CSMD1: variants seen among roughly 807,000 people sequenced by gnomAD.
The protein encoded by CSMD1 is CUB and sushi domain-containing protein 1.
Under a neutral mutation model 417.5 loss-of-function variants are expected in CSMD1, and 213 were observed. That is an observed-to-expected ratio of 0.51 (90% confidence interval 0.46 to 0.57). The LOEUF is 0.57. Among genes scored for constraint, CSMD1 ranks in the 20% least tolerant of loss-of-function variants. The pLI is 0.00. For synonymous variants in CSMD1, 2,862 were observed against 1,736.8 expected, an observed-to-expected ratio of 1.65 and a Z score of -16.11; for missense variants, 6,923 against 4,529.7, an observed-to-expected ratio of 1.53 and a Z score of -15.17.
chr8:4,054,787 A>G (rs1484883025), intron 3 of CSMD1, among the ~76,000 whole-genome samples: 3 of 152,086 alleles, frequency 2.0e-5, no homozygotes, highest in African/African-American at 7.2e-5. Context: ...CTTCAAGTGG[A>G]CGAACAACAA....
At chr8:4,917,259 G>C (rs904540196) in intron 1 of CSMD1, among the ~76,000 whole-genome samples, 1 of 152,108 alleles carries the variant, frequency 6.6e-6, no homozygotes, top group African/African-American at 2.4e-5. Context: ...TAGGGGGATG[G>C]TTCTAAACCA....
At chr8:4,983,270 G>A (rs915216742) in intron 1 of CSMD1, among the ~76,000 whole-genome samples, 1 of 152,168 alleles carries the variant, frequency 6.6e-6, no homozygotes, top group African/African-American at 2.4e-5. Context: ...CCTTCCCTAG[G>A]TCAACTCTTC....
At chr8:3,239,567 G>T (rs1365818583) in intron 26 of CSMD1, among the ~76,000 whole-genome samples, 1 of 151,990 alleles carries the variant, frequency 6.6e-6, no homozygotes, top group African/African-American at 2.4e-5. Context: ...GTGTAGGGAA[G>T]GGTGGGGGCC....
At chr8:3,797,808 T>C (rs888934532) in intron 5 of CSMD1, among the ~76,000 whole-genome samples, 10 of 152,012 alleles carry the variant, frequency 6.6e-5, no homozygotes, top group Non-Finnish European at 1.0e-4. Context: ...GGTAGGTATA[T>C]GTCTGACTTC....
intron 3 of CSMD1, among the ~76,000 whole-genome samples, chr8:4,414,652 T>A (rs904942246): frequency 1.3e-5 from 2 of 152,132 alleles, no homozygotes; most frequent in East Asian, 3.9e-4. Flanking sequence ...AAAATCAAAT[T>A]CAAATTTTTC....
chr8:4,031,725 C>G (rs1797357057), intron 4 of CSMD1, among the ~76,000 whole-genome samples, 180 bp downstream of exon 4: 1 of 152,176 alleles, frequency 6.6e-6, no homozygotes, highest in Admixed American at 6.5e-5. Context: ...TTACACATTA[C>G]ATGTTATTTC....
intron 3 of CSMD1, among the ~76,000 whole-genome samples, chr8:4,192,948 A>G (rs1799115237): frequency 6.6e-6 from 1 of 152,156 alleles, no homozygotes; most frequent in Non-Finnish European, 1.5e-5. Context: ...ACGTGGTGCT[A>G]CCCTTCCTAT....
chr8:4,730,740 C>T (rs765010133), intron 1 of CSMD1, among the ~76,000 whole-genome samples: 16 of 142,496 alleles, frequency 1.1e-4, no homozygotes, highest in Non-Finnish European at 1.0e-4. Context: ...GACTCCATTT[C>T]AAAAAAACAA....
At chr8:4,417,237 T>C (rs1796993360) in intron 3 of CSMD1, among the ~76,000 whole-genome samples, 1 of 152,068 alleles carries the variant, frequency 6.6e-6, no homozygotes, top group Non-Finnish European at 1.5e-5. Context: ...TTAAATTCAA[T>C]GACTGAACAC....
chr8:3,484,742 G>C (rs1459130337), intron 11 of CSMD1, among the ~76,000 whole-genome samples: 2 of 152,172 alleles, frequency 1.3e-5, no homozygotes, highest in Non-Finnish European at 2.9e-5. Flanking sequence ...AACTTAGTAA[G>C]AAACATCCGC....
intron 2 of CSMD1, among the ~76,000 whole-genome samples, chr8:4,581,018 C>A (rs1278981507): frequency 1.3e-5 from 2 of 152,146 alleles, no homozygotes; most frequent in African/African-American, 4.8e-5. Flanking sequence ...GACATGTGGT[C>A]ATGGCTAGGT....
intron 3 of CSMD1, among the ~76,000 whole-genome samples, chr8:4,418,858 G>A (rs905927487): frequency 6.6e-6 from 1 of 152,128 alleles, no homozygotes. Context: ...ATGCACAAAT[G>A]CGGTGGCATG....
chr8:4,111,681 ACAC>A (rs778777042), intron 3 of CSMD1, among the ~76,000 whole-genome samples: 3 of 152,180 alleles, frequency 2.0e-5, no homozygotes, highest in Non-Finnish European at 4.4e-5. Flanking sequence ...CAAAAGACAA[ACAC>A]CACATGTTCT....
At chr8:4,170,048 T>A (rs1216969157) in intron 3 of CSMD1, among the ~76,000 whole-genome samples, 1 of 151,872 alleles carries the variant, frequency 6.6e-6, no homozygotes, top group Non-Finnish European at 1.5e-5. Flanking sequence ...ATTTGAATAC[T>A]CAAAACCTCT....
At chr8:3,504,738 T>C (rs758327963) in intron 10 of CSMD1, among the ~76,000 whole-genome samples, 2 of 152,216 alleles carry the variant, frequency 1.3e-5, no homozygotes, top group Non-Finnish European at 2.9e-5. Context: ...GCAGTAGTGG[T>C]ATTTTGCTTC....
intron 1 of CSMD1, among the ~76,000 whole-genome samples, chr8:4,781,115 T>C (rs1478230081): frequency 6.6e-6 from 1 of 152,220 alleles, no homozygotes; most frequent in Non-Finnish European, 1.5e-5. Flanking sequence ...TGGTGTCTTT[T>C]CTTTCGAGTG....
intron 26 of CSMD1, among the ~76,000 whole-genome samples, chr8:3,260,839 C>T (rs544185191): frequency 1.3e-5 from 2 of 149,850 alleles, no homozygotes; most frequent in Non-Finnish European, 2.9e-5. Flanking sequence ...AAAAAAGACC[C>T]TGTGAAGAGG....
intron 42 of CSMD1, among the ~76,000 whole-genome samples, chr8:3,116,213 A>G (rs1416937368): frequency 6.6e-6 from 1 of 152,212 alleles, no homozygotes; most frequent in Non-Finnish European, 1.5e-5. Flanking sequence ...AAAATCCTTT[A>G]TATAGGTCCT....
intron 5 of CSMD1, among the ~76,000 whole-genome samples, chr8:3,876,786 A>T (rs1011216142): frequency 2.4e-4 from 37 of 152,064 alleles, no homozygotes; most frequent in African/African-American, 5.1e-4. Context: ...GTTTTTAAAA[A>T]TTTTTTGTAG....
Sources: allele counts gnomAD v4.1 joint callset (sites outside exome capture counted in the v4.1 genomes callset), GRCh38; gene constraint gnomAD v4.1.1; transcripts MANE v1.5; gene names NCBI Gene and HGNC (gene_info 2026-07-23, HGNC 2026-07-21).